GLIS3: variants seen among roughly 807,000 people sequenced by gnomAD.
The protein encoded by GLIS3 is zinc finger protein GLIS3.
Under a neutral mutation model 78.6 loss-of-function variants are expected in GLIS3, and 53 were observed. That is an observed-to-expected ratio of 0.67 (90% CI 0.54 to 0.85). The LOEUF (loss-of-function observed/expected upper bound fraction) is 0.85, where lower values mean the gene tolerates loss of function less well. GLIS3 is among the 40% of genes least tolerant of loss of function. The pLI is 0.00. For synonymous variants in GLIS3, 684 were observed against 509.9 expected (o/e 1.34, Z -4.60); for missense variants, 1,703 against 1,231.1 (o/e 1.38, Z -5.74).
intron 4 of GLIS3, among the ~76,000 whole-genome samples, chr9:4,002,592 C>A (rs943952332): frequency 6.6e-6 from 1 of 152,132 alleles, no homozygotes. Context: ...TTGTTTTTCA[C>A]CTGTGACAGA....
chr9:4,487,296 C>T, the GLIS3 span, among the ~76,000 whole-genome samples: 1 of 152,114 alleles, frequency 6.6e-6, no homozygotes, highest in Non-Finnish European at 1.5e-5. Flanking sequence ...GATGCCTGTC[C>T]AGGTTGACTC....
chr9:4,386,123 A>G, the GLIS3 span, among the ~76,000 whole-genome samples: 545 of 152,340 alleles, frequency 3.6e-3, 2 homozygotes, highest in African/African-American at 0.012. Context: ...GTAACAGCAC[A>G]TGTCCACAGT....
At chr9:4,307,533 C>T (rs1817258699) in intron 4 of GLIS3, among the ~76,000 whole-genome samples, 4 of 149,526 alleles carry the variant, frequency 2.7e-5, no homozygotes, top group East Asian at 1.9e-4. Flanking sequence ...CCCCCGGCCC[C>T]GCCCTGCATC....
Position 3,872,390 on chromosome 9 carries a change from G to A in GLIS3, c.2297+7037C>T, listed in dbSNP as rs145848905. Among the ~76,000 whole-genome samples the A allele has an allele frequency of 1.6e-3, 249 of 152,248 alleles. 3 individuals carry two copies. Among genetic ancestry groups the A allele is most frequent in the African/African-American group, 5.9e-3 (245 of 41,528 alleles). On this transcript the variant is annotated intron_variant, in intron 8 of 10. Coordinates refer to ENST00000381971, the MANE Select transcript of GLIS3 (RefSeq NM_001042413.2). ...TGGTAGCAATTTACTTTATTAGTCT[G>A]TTTTCATGCTACTGTTAAAGACATA...
the GLIS3 span, among the ~76,000 whole-genome samples, chr9:4,448,575 T>A: frequency 6.6e-6 from 1 of 152,230 alleles, no homozygotes; most frequent in Admixed American, 6.5e-5. Flanking sequence ...ATTTCCAGCT[T>A]CTTGTGGGCA....
At chr9:3,899,163 C>G (rs148475417) in intron 6 of GLIS3, among the ~76,000 whole-genome samples, 22 of 152,254 alleles carry the variant, frequency 1.4e-4, no homozygotes, top group African/African-American at 5.1e-4. Context: ...ATAACAACAA[C>G]AAACTCAAGT....
At chr9:4,319,589 G>C (rs980025790) in intron 2 of GLIS3, among the ~76,000 whole-genome samples, 3 of 151,990 alleles carry the variant, frequency 2.0e-5, no homozygotes, top group Non-Finnish European at 4.4e-5. Context: ...GAATGCAGTG[G>C]CATGATCATA....
intron 6 of GLIS3, among the ~76,000 whole-genome samples, chr9:3,921,871 A>G (rs1588232656): frequency 6.6e-6 from 1 of 151,744 alleles, no homozygotes; most frequent in Admixed American, 6.6e-5. Context: ...TCTACCAGCA[A>G]TCTAAGAACT....
At chr9:4,133,351 G>A (rs1467388565) in intron 2 of GLIS3, among the ~76,000 whole-genome samples, 1 of 152,184 alleles carries the variant, frequency 6.6e-6, no homozygotes, top group Non-Finnish European at 1.5e-5. Context: ...ATCATGCATT[G>A]CAAACATAGG....
intron 2 of GLIS3, among the ~76,000 whole-genome samples, chr9:4,149,779 G>A (rs1834522965): frequency 1.3e-5 from 2 of 152,112 alleles, no homozygotes; most frequent in Admixed American, 1.3e-4. Flanking sequence ...CAGAGATCAA[G>A]AGAATCACAG....
At chr9:4,403,083 C>G in the GLIS3 span, among the ~76,000 whole-genome samples, 1 of 152,256 alleles carries the variant, frequency 6.6e-6, no homozygotes, top group East Asian at 1.9e-4. Context: ...AGAAAAGACA[C>G]AAATAACATG....
intron 4 of GLIS3, among the ~76,000 whole-genome samples, chr9:4,009,113 C>T (rs1821794537): frequency 1.3e-5 from 2 of 152,228 alleles, no homozygotes; most frequent in Admixed American, 6.5e-5. Context: ...GTCATAGAAT[C>T]TAAGTTCAAA....
intron 4 of GLIS3, among the ~76,000 whole-genome samples, chr9:4,076,839 T>C (rs1181103337): frequency 6.6e-6 from 1 of 152,186 alleles, no homozygotes; most frequent in African/African-American, 2.4e-5. Context: ...AGGGAATGGC[T>C]TGAACCCAGG....
intron 6 of GLIS3, among the ~76,000 whole-genome samples, chr9:3,918,853 C>G (rs1363132147): frequency 6.6e-6 from 1 of 152,208 alleles, no homozygotes; most frequent in Non-Finnish European, 1.5e-5. Context: ...CAATTTCAAC[C>G]AATTCAGCTA....
chr9:4,317,550 T>C (rs996355424), intron 2 of GLIS3, among the ~76,000 whole-genome samples: 1 of 152,266 alleles, frequency 6.6e-6, no homozygotes, highest in Non-Finnish European at 1.5e-5. Context: ...CAAAAAATGC[T>C]AAAGTGAGTA....
intron 2 of GLIS3, among the ~76,000 whole-genome samples, chr9:4,253,877 T>A (rs1220229955): frequency 6.6e-6 from 1 of 152,138 alleles, no homozygotes; most frequent in Non-Finnish European, 1.5e-5. Flanking sequence ...CCTGACCCCT[T>A]GCACTTCCCG....
In GLIS3 at chr9:4,210,148, A is replaced by G. The variant is rs139056701; in HGVS notation, c.388+75890T>C. Among the ~76,000 whole-genome samples the G allele has an allele frequency of 2.1e-3, 324 of 152,358 alleles. 1 individual carries two copies. Among genetic ancestry groups the G allele is most frequent in the Non-Finnish European group, 3.7e-3 (250 of 68,028 alleles). ...CTTCAGAACAATACATACCTTAGTT[A>G]ATTCAAGCCTTAATAAATGAGCCTA... On this transcript the variant is annotated intron_variant, in intron 2 of 10. Transcript: ENST00000381971.
intron 4 of GLIS3, among the ~76,000 whole-genome samples, chr9:4,028,336 G>C (rs958495445): frequency 2.0e-5 from 3 of 152,080 alleles, no homozygotes; most frequent in Non-Finnish European, 4.4e-5. Context: ...ACTTCATAAA[G>C]AGCTACTTAA....
chr9:4,234,360 G>C (rs1321993169), intron 2 of GLIS3, among the ~76,000 whole-genome samples: 2 of 152,120 alleles, frequency 1.3e-5, no homozygotes, highest in African/African-American at 4.8e-5. Context: ...TTATTAATTG[G>C]CTTAATTTCA....
Sources: allele counts gnomAD v4.1 joint callset (sites outside exome capture counted in the v4.1 genomes callset), GRCh38; gene constraint gnomAD v4.1.1; transcripts MANE v1.5; gene names NCBI Gene and HGNC (gene_info 2026-07-23, HGNC 2026-07-21).